The following GORAB variants were observed in gnomAD, a reference collection of about 807,000 sequenced individuals.
The protein encoded by GORAB is golgin, RAB6 interacting, also known as RAB6-interacting golgin.
A neutral mutation model predicts 29.9 loss-of-function variants in GORAB; 17 were observed. The ratio of observed to expected loss-of-function variants is 0.57; its 90% CI spans 0.39 to 0.85. GORAB has a LOEUF of 0.85. Among genes scored for constraint, GORAB ranks in the 40% least tolerant of loss-of-function variants. GORAB has a pLI of 0.00. For missense variants in GORAB, 442 were observed against 437.8 expected (o/e 1.01, Z -0.09); for synonymous variants, 183 against 157.2 (o/e 1.16, Z -1.23).
chr1:170,549,152 A>T (rs1243641943), intron 4 of GORAB, among the ~76,000 whole-genome samples: 1 of 152,178 alleles, frequency 6.6e-6, no homozygotes, highest in African/African-American at 2.4e-5. Flanking sequence ...AATTCATTCC[A>T]TCCCCCTTTA....
chr1:170,547,575 G>A (rs1003869177), intron 4 of GORAB, among the ~76,000 whole-genome samples: 1 of 152,104 alleles, frequency 6.6e-6, no homozygotes, highest in African/African-American at 2.4e-5. Context: ...GACCATCTAG[G>A]TTTCATAGAC....
chr1:170,532,911 T>C (rs1252313124), intron 1 of GORAB, among the ~76,000 whole-genome samples: 2 of 152,196 alleles, frequency 1.3e-5, no homozygotes, highest in East Asian at 3.9e-4. Flanking sequence ...GACTTTGGAG[T>C]AAGCTAACCT....
chr1:170,543,118 T>C (rs1053713235), intron 3 of GORAB, among the ~76,000 whole-genome samples: 1 of 152,190 alleles, frequency 6.6e-6, no homozygotes, highest in Admixed American at 6.5e-5. Flanking sequence ...GGGTCATTAT[T>C]ATGAGCACTG....
At position 170,552,272 on chromosome 1, in the gene GORAB, T is replaced by G. The variant is rs145659887; in HGVS notation, c.920T>G (p.Leu307Ter). 242 of 1,613,976 alleles carry G rather than the reference T, an allele frequency of 1.5e-4. No individual in the cohort carries two copies. Among genetic ancestry groups the G allele is most frequent in the Non-Finnish European group, 2.0e-4 (232 of 1,179,974 alleles). The change falls in exon 5 of 5, where the codon TTA becomes TGA. Residue 307 changes from leucine (L) to a stop codon, truncating the protein, a stop_gained. Coordinates refer to ENST00000367763, the MANE Select transcript of GORAB (RefSeq NM_152281.3). LOFTEE classifies it low-confidence loss of function (END_TRUNC). ...EVESRRPVVR[L>*]ERPFQPAEES... ...GAATCAAGGAGACCAGTGGTTCGTT[T>G]AGAGAGGCCATTTCAGCCTGCGGAG...
chr1:170,541,790 T>C lies in GORAB; in HGVS notation c.420-701T>C, dbSNP rs1455491251. On this transcript the variant is annotated intron_variant, in intron 2 of 4. Transcript: ENST00000367763. ...TTTCTTTAGCCCAGCATTCCAGTCT[T>C]AGCTCTTAGTGTTTTACTTTGTTTA... 5.9e-5 allele frequency among the ~76,000 whole-genome samples: 9 copies of C among 152,222 alleles called. 1 individual carries two copies. In the East Asian group the frequency reaches 1.7e-3, roughly 29 times the overall value.
rs1460054032 is a variant in GORAB, at chr1:170,553,655, G to T, written c.*1193G>T. 2.2e-6 allele frequency: 1 copy of T among 451,616 alleles called. No individual in the cohort carries two copies. The highest frequency in any genetic ancestry group is 2.0e-5 in the African/African-American group (1 of 49,842). The allele number at this position is 451,616 out of a possible 1,614,324, so 28.0% of individuals were successfully genotyped here. A position where few individuals can be genotyped will look rare whatever the true frequency, so the allele number is the denominator to read the frequency against. ...GAGGGTATTATCTTCTGGTAATATA[G>T]ATGAGCTTTATATTTTTATATTATG... On this transcript the variant is annotated 3_prime_UTR_variant, in exon 5 of 5. Transcript: ENST00000367763.
rs958367570 is a variant in GORAB at position 170,552,126 on chromosome 1, A to G, written c.774A>G (p.Gln258=). 2.2e-5 allele frequency: 35 copies of G among 1,614,040 alleles called. No homozygotes were observed. Among genetic ancestry groups the G allele is most frequent in the Non-Finnish European group, 2.7e-5 (32 of 1,180,000 alleles). The change falls in exon 5 of 5, where the codon CAA becomes CAG. Residue 258 remains glutamine, a synonymous_variant. Transcript: ENST00000367763. Reference sequence around the variant, plus strand: ...AACACCTTTGTACGATCATACAGCAAAATGAGCTCCGAAAGGCCAAGAAGT... The same window carrying G: ...AACACCTTTGTACGATCATACAGCAGAATGAGCTCCGAAAGGCCAAGAAGT... ...LTEHLCTIIQ[Q]NELRKAKKLE... is the part of the protein sequence containing the mutation.
intron 3 of GORAB, among the ~76,000 whole-genome samples, chr1:170,544,051 TC>T (rs1290309544): frequency 6.6e-6 from 1 of 152,224 alleles, no homozygotes; most frequent in East Asian, 1.9e-4. Flanking sequence ...ATTTGTTTGT[TC>T]CCTTTCTTAA....
chr1:170,533,793 A>G (rs1193851146), intron 1 of GORAB: 3 of 257,452 alleles, frequency 1.2e-5, no homozygotes, highest in Non-Finnish European at 1.7e-5. Flanking sequence ...GTGGAAACCA[A>G]ATCGCTAGTC....
intron 1 of GORAB, chr1:170,533,708 T>C: frequency 2.7e-6 from 1 of 365,026 alleles, no homozygotes; most frequent in South Asian, 2.0e-5. Flanking sequence ...TATGTAGAAG[T>C]ATATTTTGAA....
rs1051880720 is a variant in GORAB, at chr1:170,539,211, T to C, written c.63T>C (p.Asp21=). The C allele has an allele frequency of 3.7e-6, 6 of 1,613,942 alleles. No homozygotes were observed. The highest frequency in any genetic ancestry group is 5.1e-6 in the Non-Finnish European group (6 of 1,179,980). Residue 21 remains aspartate (D), a splice_region_variant and synonymous_variant, in exon 2 of 5, where the codon GAT becomes GAC. Coordinates refer to ENST00000367763, the MANE Select transcript of GORAB (RefSeq NM_152281.3). The part of the protein sequence containing the change: ...EELRRLKQTK[D]PFEPQRRLPA... ...TTTCCTCTATTTTCTTTTACATAGA[T>C]CCATTTGAACCACAGCGACGTCTCC...
At chr1:170,551,912 A>AT in intron 4 of GORAB, 103 bp from the exon 5 acceptor site, 1 of 987,174 alleles carries the variant, frequency 1.0e-6, no homozygotes, top group Non-Finnish European at 1.6e-6. Flanking sequence ...TTCATTATAT[A>AT]TTTTTTCCCA....
chr1:170,547,233 A>G (rs1649817106), intron 4 of GORAB, among the ~76,000 whole-genome samples: 1 of 152,156 alleles, frequency 6.6e-6, no homozygotes, highest in Non-Finnish European at 1.5e-5. Context: ...TTTTTTTAAT[A>G]AAAATGATAT....
In GORAB at chr1:170,553,157, C is replaced by T. The variant is rs1040729067; in HGVS notation, c.*695C>T. On this transcript the variant is annotated 3_prime_UTR_variant, in exon 5 of 5. Transcript: ENST00000367763. Reference sequence around the variant, plus strand: ...ACTATTTTATTGTCTTTCCTTTAATCGATGAATTGATTAAATTTAGACAAT... The same window carrying T: ...ACTATTTTATTGTCTTTCCTTTAATTGATGAATTGATTAAATTTAGACAAT... The T allele has an allele frequency of 2.3e-5, 10 of 432,382 alleles. No individual in the cohort carries two copies. Among genetic ancestry groups the T allele is most frequent in the Admixed American group, 1.1e-4 (4 of 38,056 alleles). 26.8% of individuals were successfully genotyped at this position (432,382 alleles called of 1,614,324 possible). A position where few individuals can be genotyped will look rare whatever the true frequency, so the allele number is the denominator to read the frequency against.
chr1:170,551,863 C>A, intron 4 of GORAB, 152 bp from the exon 5 acceptor site: 1 of 684,374 alleles, frequency 1.5e-6, no homozygotes, highest in Non-Finnish European at 2.5e-6. Context: ...GTCTGGCCAA[C>A]ATGTAGACAA....
At chr1:170,546,962 G>A (rs1649802897) in intron 4 of GORAB, among the ~76,000 whole-genome samples, 1 of 152,160 alleles carries the variant, frequency 6.6e-6, no homozygotes, top group African/African-American at 2.4e-5. Flanking sequence ...TGGGATTACA[G>A]GTGTGAGCCA....
Position 170,539,360 on chromosome 1 carries a change from A to G in GORAB, c.212A>G (p.Gln71Arg). 1 of 1,614,172 alleles carries G rather than the reference A, an allele frequency of 6.2e-7. No homozygotes were observed. The highest frequency in any genetic ancestry group is 1.1e-5 in the South Asian group (1 of 91,084). ...LPEQLLSAPK[Q>R]RVNVQKPPFS... ...GAGCAGCTGCTTTCAGCACCAAAAC[A>G]GAGAGTTAACGTTCAAAAACCACCT... Residue 71 changes from glutamine to arginine, a missense_variant, in exon 2 of 5, where the codon CAG (glutamine) becomes CGG (arginine). Coordinates refer to ENST00000367763, the MANE Select transcript of GORAB (RefSeq NM_152281.3).
Position 170,532,229 on chromosome 1 carries a change from G to T in GORAB, c.6G>T (p.Ala2=). The change falls in exon 1 of 5, where the codon GCG becomes GCT. Residue 2 remains alanine (A), a synonymous_variant. Coordinates refer to ENST00000367763, the MANE Select transcript of GORAB (RefSeq NM_152281.3). ...GGTGCCGGTGGCCCGGGCCGATGGC[G>T]CAAGGTTGGGCAGGATTCTCTGAGG... is the stretch of plus-strand genomic sequence containing the variant. M[A]QGWAGFSEEE... is the part of the protein sequence containing the mutation. The T allele has an allele frequency of 6.2e-7, 1 of 1,614,086 alleles. No individual in the cohort carries two copies. Among genetic ancestry groups the T allele is most frequent in the Non-Finnish European group, 8.5e-7 (1 of 1,180,000 alleles).
At chr1:170,542,038 CAT>C (rs1201806709) in intron 2 of GORAB, among the ~76,000 whole-genome samples, 1 of 152,132 alleles carries the variant, frequency 6.6e-6, no homozygotes, top group Non-Finnish European at 1.5e-5. Flanking sequence ...ATGAAATAAA[CAT>C]TGGTTATTGT....
Sources: gnomAD v4.1 joint callset for allele counts (sites outside exome capture counted in the v4.1 genomes callset) on GRCh38, gnomAD v4.1.1 for gene constraint, MANE v1.5 for transcripts, NCBI Gene and HGNC (gene_info 2026-07-23, HGNC 2026-07-21) for gene names.